The following NRG3 variants were observed in gnomAD, a reference collection of about 807,000 sequenced individuals.
NRG3 encodes pro-neuregulin-3, membrane-bound isoform.
NRG3 carries 31 observed loss-of-function variants against 66.9 expected under a neutral mutation model. The ratio of observed to expected loss-of-function variants is 0.46; its 90% CI spans 0.35 to 0.63. The LOEUF (loss-of-function observed/expected upper bound fraction) is 0.63. NRG3 is among the 20% of genes least tolerant of loss of function. NRG3 has a pLI of 0.00. For synonymous variants in NRG3, 393 were observed against 359.4 expected, an observed-to-expected ratio of 1.09 and a Z score of -1.06; for missense variants, 910 against 878.9, an observed-to-expected ratio of 1.04 and a Z score of -0.45.
chr10:81,892,986 G>T (rs1427095900), intron 1 of NRG3, among the ~76,000 whole-genome samples: 2 of 152,032 alleles, frequency 1.3e-5, no homozygotes, highest in East Asian at 3.8e-4. Flanking sequence ...AAAGAACACA[G>T]CTCTGAGCTG....
At chr10:82,191,750 G>A (rs948473593) in intron 1 of NRG3, among the ~76,000 whole-genome samples, 3 of 152,268 alleles carry the variant, frequency 2.0e-5, no homozygotes, top group African/African-American at 7.2e-5. Context: ...TTATGGCTTA[G>A]CATGCATGCT....
chr10:82,041,828 C>CTCTCTCTG (rs1216159085), intron 1 of NRG3, among the ~76,000 whole-genome samples: 1 of 94,856 alleles, frequency 1.1e-5, no homozygotes, highest in Non-Finnish European at 2.5e-5. Flanking sequence ...CTCTCTCTCT[C>CTCTCTCTG]TGTCTATTTC....
At chr10:82,191,916 C>A (rs1480309533) in intron 1 of NRG3, among the ~76,000 whole-genome samples, 1 of 152,150 alleles carries the variant, frequency 6.6e-6, no homozygotes, top group African/African-American at 2.4e-5. Flanking sequence ...TCTGGCCCTG[C>A]GGTTGAGGGT....
At chr10:82,349,654 C>G (rs983246631) in intron 1 of NRG3, among the ~76,000 whole-genome samples, 3 of 151,818 alleles carry the variant, frequency 2.0e-5, no homozygotes, top group East Asian at 3.9e-4. Flanking sequence ...GCGGGCGCCC[C>G]TCCCCCAACC....
At chr10:82,558,192 A>G (rs1241360747) in intron 2 of NRG3, among the ~76,000 whole-genome samples, 2 of 152,308 alleles carry the variant, frequency 1.3e-5, no homozygotes, top group East Asian at 3.9e-4. Flanking sequence ...TGGCTAGAGG[A>G]TAAGCTTGTG....
At chr10:82,731,829 A>G (rs2134657467) in intron 2 of NRG3, among the ~76,000 whole-genome samples, 1 of 152,216 alleles carries the variant, frequency 6.6e-6, no homozygotes, top group South Asian at 2.1e-4. Flanking sequence ...TTCTATTTTA[A>G]ATTTTCTGAA....
At chr10:82,884,313 C>T (rs1564600958) in intron 4 of NRG3, among the ~76,000 whole-genome samples, 1 of 152,136 alleles carries the variant, frequency 6.6e-6, no homozygotes, top group Non-Finnish European at 1.5e-5. Context: ...TGAGATATAA[C>T]ACTTTACATA....
chr10:82,307,339 G>C (rs7893860), intron 1 of NRG3, among the ~76,000 whole-genome samples: 38,027 of 152,004 alleles, frequency 0.25, 4,886 homozygotes, highest in Admixed American at 0.27. Context: ...AGGAAGAGGA[G>C]AAAATTAACT....
chr10:81,976,961 G>A (rs2060147679), intron 1 of NRG3, among the ~76,000 whole-genome samples: 1 of 152,128 alleles, frequency 6.6e-6, no homozygotes, highest in Non-Finnish European at 1.5e-5. Context: ...CTCATAATGT[G>A]CTATTTACAC....
At chr10:82,183,144 G>A (rs867943020) in intron 1 of NRG3, among the ~76,000 whole-genome samples, 1 of 151,894 alleles carries the variant, frequency 6.6e-6, no homozygotes, top group Non-Finnish European at 1.5e-5. Context: ...TTGAATCTGA[G>A]TGCATTTTTC....
chr10:82,911,673 T>G (rs1434099277), intron 4 of NRG3, among the ~76,000 whole-genome samples: 1 of 151,722 alleles, frequency 6.6e-6, no homozygotes, highest in East Asian at 1.9e-4. Context: ...ACAATTCTAT[T>G]TATCTTTTCA....
chr10:82,987,177 C>T lies in NRG3; in HGVS notation c.*1572C>T, dbSNP rs1853487268. On this transcript the variant is annotated 3_prime_UTR_variant, in exon 9 of 9. Transcript: ENST00000372141. ...AATAAAAAGGCACCGTATTTGAAAGCATAAAAGATTTCTTTTACTGCAGTT... is the reference window on the plus strand; with the variant it reads ...AATAAAAAGGCACCGTATTTGAAAGTATAAAAGATTTCTTTTACTGCAGTT... 6.6e-6 allele frequency: 1 copy of T among 152,136 alleles called. No homozygotes were observed. The highest frequency in any genetic ancestry group is 6.5e-5 in the Admixed American group (1 of 15,274). 9.4% of individuals were successfully genotyped at this position (152,136 alleles called of 1,614,324 possible).
chr10:81,996,228 T>C lies in NRG3; in HGVS notation c.823+120065T>C, dbSNP rs113140072. On this transcript the variant is annotated intron_variant, in intron 1 of 8. Coordinates refer to ENST00000372141, the MANE Select transcript of NRG3 (RefSeq NM_001010848.4). ...CATTCTGTCTATTGTTTAAAGGCAT[T>C]GGTGTAATGTCATAATATTTCTACA... is the stretch of plus-strand genomic sequence containing the variant. Among the ~76,000 whole-genome samples the C allele has an allele frequency of 4.2e-3, 637 of 152,308 alleles. 3 individuals are homozygous for C. Among genetic ancestry groups the C allele is most frequent in the African/African-American group, 0.014 (598 of 41,576 alleles).
intron 1 of NRG3, among the ~76,000 whole-genome samples, chr10:81,979,711 C>T (rs1265310245): frequency 6.6e-6 from 1 of 152,166 alleles, no homozygotes; most frequent in Non-Finnish European, 1.5e-5. Flanking sequence ...CACATGCATG[C>T]ACAAACACAC....
At chr10:82,221,509 C>T (rs1195569155) in intron 1 of NRG3, among the ~76,000 whole-genome samples, 1 of 152,078 alleles carries the variant, frequency 6.6e-6, no homozygotes, top group African/African-American at 2.4e-5. Flanking sequence ...TGCCAGGACT[C>T]GTTTCCTTAG....
intron 2 of NRG3, among the ~76,000 whole-genome samples, chr10:82,423,207 A>T (rs1463559798): frequency 6.6e-6 from 1 of 152,008 alleles, no homozygotes; most frequent in African/African-American, 2.4e-5. Context: ...ATTGTATTTA[A>T]TATAATCATA....
At chr10:82,420,393 CTG>C in intron 2 of NRG3, among the ~76,000 whole-genome samples, 1 of 152,244 alleles carries the variant, frequency 6.6e-6, no homozygotes, top group Non-Finnish European at 1.5e-5. Context: ...TTATCTTATA[CTG>C]TATTTATCTT....
chr10:82,841,521 T>C (rs953381618), intron 3 of NRG3, among the ~76,000 whole-genome samples: 2 of 152,214 alleles, frequency 1.3e-5, no homozygotes, highest in Non-Finnish European at 2.9e-5. Flanking sequence ...TGGGGTCTAT[T>C]TAGTCTGAGA....
Position 82,985,696 on chromosome 10 carries a change from A to G in NRG3, c.*91A>G. 1.4e-6 allele frequency: 2 copies of G among 1,382,766 alleles called. No homozygotes were observed. Among genetic ancestry groups the G allele is most frequent in the Non-Finnish European group, 2.0e-6 (2 of 1,022,068 alleles). 85.7% of individuals were successfully genotyped at this position (1,382,766 alleles called of 1,614,324 possible). On this transcript the variant is annotated 3_prime_UTR_variant, in exon 9 of 9. Transcript: ENST00000372141. The stretch of plus-strand genomic sequence containing the variant: ...AATTATTTATATGCATTAATTTAAG[A>G]GCATCTACTTAGAAGAAACCAAATA...
Sources: allele counts gnomAD v4.1 joint callset (sites outside exome capture counted in the v4.1 genomes callset), GRCh38; gene constraint gnomAD v4.1.1; transcripts MANE v1.5; gene names NCBI Gene and HGNC (gene_info 2026-07-23, HGNC 2026-07-21).